Variants in ADCYAP1R1 observed in about 807,000 individuals in gnomAD.
ADCYAP1R1 encodes the protein pituitary adenylate cyclase-activating polypeptide type I receptor.
In ADCYAP1R1, 44 loss-of-function variants were observed where a neutral mutation model predicts 67.6. The observed-to-expected ratio is 0.65, with a 90% CI of 0.51 to 0.84. The LOEUF (loss-of-function observed/expected upper bound fraction) is 0.84, where lower values mean the gene tolerates loss of function less well. ADCYAP1R1 is among the 40% of genes least tolerant of loss of function. ADCYAP1R1 has a pLI of 0.00. For synonymous variants in ADCYAP1R1, 222 were observed against 219.6 expected (o/e 1.01, Z -0.10); for missense variants, 477 against 587.9 (o/e 0.81, Z 1.95).
chr7:31,068,062 G>T (rs1794816058), intron 3 of ADCYAP1R1, among the ~76,000 whole-genome samples: 1 of 152,204 alleles, frequency 6.6e-6, no homozygotes, highest in Non-Finnish European at 1.5e-5. Flanking sequence ...AGGGCAGATG[G>T]AGAGTACAGG....
intron 1 of ADCYAP1R1, 123 bp from the exon 2 acceptor site, chr7:31,063,071 T>G (rs1584478987): frequency 3.3e-6 from 2 of 611,738 alleles, no homozygotes; most frequent in East Asian, 2.8e-5. Context: ...GGCAGGGAGG[T>G]GGGGTTATCC....
At chr7:31,090,709 T>C (rs1302444937) in intron 12 of ADCYAP1R1, among the ~76,000 whole-genome samples, 2 of 152,226 alleles carry the variant, frequency 1.3e-5, no homozygotes, top group East Asian at 1.9e-4. Context: ...CTTAGGATAA[T>C]GGCCTCCAGC....
intron 3 of ADCYAP1R1, among the ~76,000 whole-genome samples, chr7:31,072,740 T>C (rs527930348): frequency 2.6e-5 from 4 of 152,342 alleles, no homozygotes; most frequent in Admixed American, 2.0e-4. Context: ...TCCTAATCCC[T>C]GAAACCTGTA....
In ADCYAP1R1 at chr7:31,107,974, C is replaced by T. The variant is rs1373821289; in HGVS notation, c.*1290C>T. On this transcript the variant is annotated 3_prime_UTR_variant, in exon 16 of 16. Coordinates refer to ENST00000304166, the MANE Select transcript of ADCYAP1R1 (RefSeq NM_001118.5). ...TCCCCAGCTGCAGGTTGCACACCCTCAGCCTGAGAATGTAAAATAGGGCAG... is the reference window on the plus strand; with the variant it reads ...TCCCCAGCTGCAGGTTGCACACCCTTAGCCTGAGAATGTAAAATAGGGCAG... 1 of 152,278 alleles carries T rather than the reference C, an allele frequency of 6.6e-6. No homozygotes were observed. Among genetic ancestry groups the T allele is most frequent in the Non-Finnish European group, 1.5e-5 (1 of 68,106 alleles). The allele number at this position is 152,278 out of a possible 1,614,324, so 9.4% of individuals were successfully genotyped here. A position where few individuals can be genotyped will look rare whatever the true frequency, so the allele number is the denominator to read the frequency against.
chr7:31,091,506 G>A (rs1186996591), intron 12 of ADCYAP1R1, among the ~76,000 whole-genome samples: 1 of 152,182 alleles, frequency 6.6e-6, no homozygotes, highest in Non-Finnish European at 1.5e-5. Flanking sequence ...GTCCAGAATG[G>A]TGGTTCCTAG....
In ADCYAP1R1 at chr7:31,084,791, C is replaced by A; in HGVS notation, c.493C>A (p.Leu165Ile). Residue 165 changes from leucine (L) to isoleucine (I), a missense_variant, in exon 8 of 16, where the codon CTC becomes ATC. Transcript: ENST00000304166. Reference protein sequence around the residue: ...ALYTVGYSTSLVTLTTAMVIL... With the variant: ...ALYTVGYSTSIVTLTTAMVIL... The stretch of plus-strand genomic sequence containing the variant: ...CTACACGGTTGGCTACAGCACATCC[C>A]TCGTCACCCTCACCACTGCCATGGT... 6.2e-7 allele frequency: 1 copy of A among 1,614,148 alleles called. No individual in the cohort carries two copies. The highest frequency in any genetic ancestry group is 8.5e-7 in the Non-Finnish European group (1 of 1,179,996).
intron 3 of ADCYAP1R1, among the ~76,000 whole-genome samples, chr7:31,073,173 T>C (rs1246770790): frequency 1.3e-5 from 2 of 152,168 alleles, no homozygotes; most frequent in African/African-American, 4.8e-5. Context: ...GAGTACACCA[T>C]CCAGTGTCAT....
chr7:31,111,200 G>A lies in ADCYAP1R1; in HGVS notation c.*4516G>A, dbSNP rs534591818. 6.6e-6 allele frequency: 1 copy of A among 152,210 alleles called. No individual in the cohort carries two copies. The highest frequency in any genetic ancestry group is 6.5e-5 in the Admixed American group (1 of 15,280). 9.4% of individuals were successfully genotyped at this position (152,210 alleles called of 1,614,324 possible). Reference sequence around the variant, plus strand: ...GAACTCACAGTCTTGGGGTGTTTCTGCACTTGGCTATGTGTGTCTTGTCTG... The same window carrying A: ...GAACTCACAGTCTTGGGGTGTTTCTACACTTGGCTATGTGTGTCTTGTCTG... On this transcript the variant is annotated 3_prime_UTR_variant, in exon 16 of 16. Transcript: ENST00000304166.
At position 31,078,099 on chromosome 7, in the gene ADCYAP1R1, G is replaced by A; in HGVS notation, c.265+1G>A. On this transcript the variant is annotated splice_donor_variant, in intron 4 of 15. Transcript: ENST00000304166. LOFTEE classifies it high-confidence loss of function. ...TTCCGAATCTTCAACCCAGACCAAG[G>A]TGGGTTTAGCCCAGTCTCTTTAGGC... is the stretch of plus-strand genomic sequence containing the variant. The A allele has an allele frequency of 6.2e-7, 1 of 1,608,190 alleles. No homozygotes were observed. Among genetic ancestry groups the A allele is most frequent in the African/African-American group, 1.3e-5 (1 of 74,896 alleles).
At chr7:31,081,120 G>C (rs757753100) in intron 5 of ADCYAP1R1, among the ~76,000 whole-genome samples, 42 of 152,150 alleles carry the variant, frequency 2.8e-4, no homozygotes, top group Non-Finnish European at 4.1e-4. Context: ...CATGTCAGCT[G>C]GACCTTGGGA....
Position 31,086,882 on chromosome 7 carries a change from G to A in ADCYAP1R1, c.824-61G>A, listed in dbSNP as rs997624097. 3.8e-5 allele frequency: 59 copies of A among 1,554,644 alleles called. No individual in the cohort carries two copies. The East Asian group carries it at 4.7e-4, about 12-fold the overall frequency. ...TAGCCTCTCGGAGCCCCAGGTCTACGGTGGACATTGGACATGTTGGTTTTC... is the reference window on the plus strand; with the variant it reads ...TAGCCTCTCGGAGCCCCAGGTCTACAGTGGACATTGGACATGTTGGTTTTC... On this transcript the variant is annotated intron_variant, in intron 10 of 15. Transcript: ENST00000304166. The surrounding 1 kb of genome is among the most constrained non-coding windows in gnomAD (Gnocchi z 5.0).
intron 1 of ADCYAP1R1, 40 bp from the exon 2 acceptor site, chr7:31,063,154 C>T: frequency 7.4e-7 from 1 of 1,354,676 alleles, no homozygotes; most frequent in South Asian, 1.2e-5. Context: ...CCGGCCACTG[C>T]ACTGGGCTCA....
At chr7:31,100,668 A>G (rs566709360) in intron 13 of ADCYAP1R1, among the ~76,000 whole-genome samples, 7 of 152,306 alleles carry the variant, frequency 4.6e-5, no homozygotes, top group African/African-American at 1.2e-4. Flanking sequence ...TCCCCACAAC[A>G]ACTCTATGAG....
rs535625411 is a variant in ADCYAP1R1, at chr7:31,083,931, G to T, written c.329-210G>T. On this transcript the variant is annotated intron_variant, in intron 6 of 15. Transcript: ENST00000304166. The stretch of plus-strand genomic sequence containing the variant: ...TGCAGGGATGCTGGATTCAGCTGGC[G>T]CAGTCTCCCCATCTTTGGTTGAGAT... Among the ~76,000 whole-genome samples, 61 of 152,288 alleles carry T rather than the reference G, an allele frequency of 4.0e-4. No individual in the cohort carries two copies. The South Asian group carries it at 0.012, about 31-fold the overall frequency.
intron 12 of ADCYAP1R1, among the ~76,000 whole-genome samples, chr7:31,091,192 A>G (rs762712327): frequency 1.2e-4 from 18 of 152,130 alleles, no homozygotes; most frequent in Non-Finnish European, 2.1e-4. Flanking sequence ...ATTTTTTCAT[A>G]TGTTTGCTGG....
At position 31,064,868 on chromosome 7, in the gene ADCYAP1R1, A is replaced by G; in HGVS notation, c.89A>G (p.Glu30Gly). Reference sequence around the variant, plus strand: ...CATTCTGACTGCATCTTCAAGAAGGAGCAAGCCATGTGCCTGGAGAAGATC... The same window carrying G: ...CATTCTGACTGCATCTTCAAGAAGGGGCAAGCCATGTGCCTGGAGAAGATC... The part of the protein sequence containing the change: ...AMHSDCIFKK[E>G]QAMCLEKIQR... The change falls in exon 3 of 16, where the codon GAG becomes GGG. Residue 30 changes from glutamate to glycine, a missense_variant. Physicochemically the swap from Glu to Gly is moderately conservative, Grantham distance 98 (BLOSUM62 -2). Coordinates refer to ENST00000304166, the MANE Select transcript of ADCYAP1R1 (RefSeq NM_001118.5). 7 of 1,613,062 alleles carry G rather than the reference A, an allele frequency of 4.3e-6. No homozygotes were observed. The highest frequency in any genetic ancestry group is 5.9e-6 in the Non-Finnish European group (7 of 1,179,598).
chr7:31,104,771 T>G, intron 14 of ADCYAP1R1, 97 bp from the exon 15 acceptor site: 2 of 1,353,204 alleles, frequency 1.5e-6, no homozygotes, highest in Non-Finnish European at 2.1e-6. Context: ...CAGGTCATGG[T>G]GTATTTCTGC....
At position 31,107,408 on chromosome 7, in the gene ADCYAP1R1, C is replaced by G. The variant is rs771386114; in HGVS notation, c.*724C>G. The G allele has an allele frequency of 3.3e-5, 5 of 152,264 alleles. No individual in the cohort carries two copies. The highest frequency in any genetic ancestry group is 7.3e-5 in the Non-Finnish European group (5 of 68,090). The allele number at this position is 152,264 out of a possible 1,614,324, so 9.4% of individuals were successfully genotyped here. ...TGCTTTTCGTTTGATCCAAAAGGAG[C>G]TGAGAGCCAGAAATGTGGCTGTGAT... is the stretch of plus-strand genomic sequence containing the variant. On this transcript the variant is annotated 3_prime_UTR_variant, in exon 16 of 16. Coordinates refer to ENST00000304166, the MANE Select transcript of ADCYAP1R1 (RefSeq NM_001118.5).
chr7:31,104,637 C>T (rs1325470618), intron 14 of ADCYAP1R1, among the ~76,000 whole-genome samples: 1 of 152,118 alleles, frequency 6.6e-6, no homozygotes, highest in African/African-American at 2.4e-5. Flanking sequence ...ATGTGAGATC[C>T]AAAGCTAGAA....
Sources: gnomAD v4.1 joint callset for allele counts (sites outside exome capture counted in the v4.1 genomes callset) on GRCh38, gnomAD v4.1.1 for gene constraint, Gnocchi (gnomAD v3.1) non-coding constraint, MANE v1.5 for transcripts, NCBI Gene and HGNC (gene_info 2026-07-23, HGNC 2026-07-21) for gene names.